RUNX1: variants seen among roughly 807,000 people sequenced by gnomAD.
The protein encoded by RUNX1 is RUNX family transcription factor 1, also known as runt-related transcription factor 1.
Under a neutral mutation model 42.8 loss-of-function variants are expected in RUNX1, and 19 were observed. The observed-to-expected ratio is 0.44, with a 90% confidence interval of 0.31 to 0.65. The LOEUF (loss-of-function observed/expected upper bound fraction) is 0.65, where lower values mean the gene tolerates loss of function less well. Among genes scored for constraint, RUNX1 ranks in the 30% least tolerant of loss-of-function variants. RUNX1 has a pLI of 0.07. For missense variants in RUNX1, 528 were observed against 672.0 expected (o/e 0.79, Z 2.37); for synonymous variants, 271 against 289.4 (o/e 0.94, Z 0.64).
At chr21:34,977,282 A>T (rs1452411088) in intron 2 of RUNX1, among the ~76,000 whole-genome samples, 2 of 152,226 alleles carry the variant, frequency 1.3e-5, no homozygotes, top group Non-Finnish European at 2.9e-5. Context: ...CTTCTGAAGA[A>T]GGGAATTTTG....
At position 34,999,326 on chromosome 21, in the gene RUNX1, A is replaced by C. The variant is rs542617870; in HGVS notation, c.58+49516T>G. 3.9e-5 allele frequency among the ~76,000 whole-genome samples: 6 copies of C among 152,324 alleles called. No homozygotes were observed. In the South Asian group the frequency reaches 1.2e-3, roughly 32 times the overall value. ...CTGCCTTTTCTCCAAAGATCACAAA[A>C]TGCATTCCATTTAGTGTCTGTTTTG... On this transcript the variant is annotated intron_variant, in intron 2 of 8. Transcript: ENST00000675419.
At chr21:35,019,799 T>G (rs2059185386) in intron 2 of RUNX1, among the ~76,000 whole-genome samples, 1 of 152,110 alleles carries the variant, frequency 6.6e-6, no homozygotes, top group African/African-American at 2.4e-5. Flanking sequence ...AGGGGACAAT[T>G]AGCATTGCCC....
chr21:34,812,596 GAC>G (rs1413927437), intron 7 of RUNX1, among the ~76,000 whole-genome samples: 1 of 152,158 alleles, frequency 6.6e-6, no homozygotes, highest in Non-Finnish European at 1.5e-5. Flanking sequence ...TTTAAAAAAT[GAC>G]ACACACAAAA....
intron 2 of RUNX1, among the ~76,000 whole-genome samples, chr21:34,911,368 C>A (rs1198495374): frequency 1.3e-5 from 2 of 152,164 alleles, no homozygotes; most frequent in East Asian, 3.8e-4. Context: ...TAGATAGCAA[C>A]CCTGGGAGGG....
chr21:34,988,456 T>C (rs887318047), intron 2 of RUNX1, among the ~76,000 whole-genome samples: 1 of 152,194 alleles, frequency 6.6e-6, no homozygotes, highest in African/African-American at 2.4e-5. Context: ...CTGCCCAGCC[T>C]GCTGTCCTGC....
At chr21:34,804,003 C>T (rs956166612) in intron 7 of RUNX1, among the ~76,000 whole-genome samples, 5 of 152,108 alleles carry the variant, frequency 3.3e-5, no homozygotes, top group African/African-American at 1.2e-4. Context: ...AAATGCTGAA[C>T]AAACTGAAAA....
chr21:34,933,267 A>T (rs1019784554), intron 2 of RUNX1, among the ~76,000 whole-genome samples: 7 of 152,232 alleles, frequency 4.6e-5, no homozygotes, highest in African/African-American at 1.7e-4. Flanking sequence ...GTGCATGAGT[A>T]CTGTGAGATG....
At chr21:34,889,717 T>A (rs544550393) in intron 3 of RUNX1, 22,950 of 1,185,586 alleles carry the variant, frequency 0.019, 260 homozygotes, top group Non-Finnish European at 0.022. Flanking sequence ...CCTGCGCCGG[T>A]CCCCGCGGTG....
At chr21:34,813,628 G>T (rs1043608097) in intron 7 of RUNX1, among the ~76,000 whole-genome samples, 7 of 152,042 alleles carry the variant, frequency 4.6e-5, no homozygotes, top group African/African-American at 1.7e-4. Flanking sequence ...TGAGCTGCAG[G>T]TGTGAACTAC....
chr21:34,959,719 G>GA (rs149834074), intron 2 of RUNX1, among the ~76,000 whole-genome samples: 4,863 of 152,264 alleles, frequency 0.032, 128 homozygotes, highest in Non-Finnish European at 0.052. Context: ...ACCTGAGGGA[G>GA]AAAGCTCAGC....
intron 4 of RUNX1, among the ~76,000 whole-genome samples, chr21:34,885,653 T>C: frequency 6.6e-6 from 1 of 152,242 alleles, no homozygotes; most frequent in East Asian, 1.9e-4. Flanking sequence ...AAAAAGTGAA[T>C]ATTCGTCGTT....
At chr21:34,840,504 A>G (rs1258942243) in intron 6 of RUNX1, among the ~76,000 whole-genome samples, 2 of 152,196 alleles carry the variant, frequency 1.3e-5, no homozygotes, top group African/African-American at 4.8e-5. Flanking sequence ...ATCCACAACA[A>G]TTACATCTGC....
intron 5 of RUNX1, among the ~76,000 whole-genome samples, chr21:34,862,468 T>C (rs1240657509): frequency 6.6e-6 from 1 of 152,178 alleles, no homozygotes; most frequent in African/African-American, 2.4e-5. Flanking sequence ...AAATTAAGAC[T>C]TTCACAATTC....
intron 2 of RUNX1, among the ~76,000 whole-genome samples, chr21:34,922,520 A>G (rs1370122813): frequency 6.6e-6 from 1 of 152,188 alleles, no homozygotes; most frequent in Non-Finnish European, 1.5e-5. Context: ...TGATGTTCCA[A>G]GCAGGTATTA....
chr21:34,892,918 A>G lies in RUNX1; in HGVS notation c.97+7T>C. The G allele has an allele frequency of 6.5e-7, 1 of 1,531,022 alleles. No homozygotes were observed. Among genetic ancestry groups the G allele is most frequent in the Non-Finnish European group, 9.0e-7 (1 of 1,105,998 alleles). The allele number at this position is 1,531,022 out of a possible 1,614,324, so 94.8% of individuals were successfully genotyped here. A position where few individuals can be genotyped will look rare whatever the true frequency, so the allele number is the denominator to read the frequency against. On this transcript the variant is annotated splice_region_variant and intron_variant, in intron 3 of 8. Transcript: ENST00000675419. ...TATTTAAAAATATAACTTGGAATTT[A>G]ACATACCGTGGACGTCTCTAGAAGG...
chr21:34,791,216 T>C lies in RUNX1; in HGVS notation c.*919A>G, dbSNP rs8131520. The C allele has an allele frequency of 0.021, 4,821 of 233,398 alleles. 90 individuals carry two copies. The highest frequency in any genetic ancestry group is 0.047 in the African/African-American group (2,139 of 45,460). 14.5% of individuals were successfully genotyped at this position (233,398 alleles called of 1,614,324 possible). On this transcript the variant is annotated 3_prime_UTR_variant, in exon 9 of 9. Transcript: ENST00000675419. ...ATAACCAAGCGATCACATTACTCAT[T>C]CTTTTTTTCTAGCCTTCTTCAATGT...
intron 5 of RUNX1, among the ~76,000 whole-genome samples, chr21:34,871,582 C>T (rs181748102): frequency 1.3e-3 from 202 of 152,264 alleles, no homozygotes; most frequent in African/African-American, 4.5e-3. Context: ...TTCAAATCAT[C>T]GTGCCCTGAA....
rs569563296 is a variant in RUNX1, at chr21:34,854,058, C to T, written c.613+5416G>A. Among the ~76,000 whole-genome samples, 231 of 152,320 alleles carry T rather than the reference C, an allele frequency of 1.5e-3. 1 individual carries two copies. Among genetic ancestry groups the T allele is most frequent in the African/African-American group, 5.5e-3 (227 of 41,576 alleles). ...CCAACTCCTGACCTCAAGTGAGCCG[C>T]CCGCATTGGCCTCCCAAAGTGCTGG... On this transcript the variant is annotated intron_variant, in intron 6 of 8. Transcript: ENST00000675419.
chr21:35,001,466 G>A (rs932644032), intron 2 of RUNX1, among the ~76,000 whole-genome samples: 3 of 151,808 alleles, frequency 2.0e-5, no homozygotes, highest in Admixed American at 1.3e-4. Flanking sequence ...CCCAAATAAA[G>A]ACTAAATATG....
Sources: allele counts gnomAD v4.1 joint callset (sites outside exome capture counted in the v4.1 genomes callset), GRCh38; gene constraint gnomAD v4.1.1; transcripts MANE v1.5; gene names NCBI Gene and HGNC (gene_info 2026-07-23, HGNC 2026-07-21).